Variants in FAM133B observed in about 807,000 individuals in gnomAD.
FAM133B encodes the protein protein FAM133B.
A neutral mutation model predicts 46.4 loss-of-function variants in FAM133B; 25 were observed. The observed-to-expected ratio is 0.54, with a 90% CI of 0.39 to 0.75. The LOEUF is 0.75. Ranked by LOEUF, FAM133B falls within the 30% of genes least tolerant of loss-of-function variation. The pLI, the probability that FAM133B is intolerant of heterozygous loss-of-function variation, is 0.00. For missense variants in FAM133B, 205 were observed against 277.6 expected, an observed-to-expected ratio of 0.74 and a Z score of 1.86; for synonymous variants, 75 against 86.0, an observed-to-expected ratio of 0.87 and a Z score of 0.71.
rs1344173763 is a variant in FAM133B at position 92,575,798 on chromosome 7, CTTCTTT to C, written c.483_488del (p.Lys162_Lys163del). 7.3e-7 allele frequency: 1 copy of C among 1,370,030 alleles called. No individual in the cohort carries two copies. Among genetic ancestry groups the C allele is most frequent in the Non-Finnish European group, 1.0e-6 (1 of 968,562 alleles). The allele number at this position is 1,370,030 out of a possible 1,614,324, so 84.9% of individuals were successfully genotyped here. A position where few individuals can be genotyped will look rare whatever the true frequency, so the allele number is the denominator to read the frequency against. On this transcript the variant is annotated inframe_deletion, in exon 8 of 11. Transcript: ENST00000445716. ...TTTCTTTCTCAGTTCCATCTTTTGA[CTTCTTT>C]TTCTTTTTTAAACTATCCTAAACAA...
At chr7:92,567,447 A>G (rs41412153) in intron 9 of FAM133B, among the ~76,000 whole-genome samples, 19,736 of 152,214 alleles carry the variant, frequency 0.13, 1,348 homozygotes, top group African/African-American at 0.16. Context: ...TGACAAATAC[A>G]TAAAAATGCA....
At chr7:92,578,216 C>T (rs1794760425) in intron 4 of FAM133B, 34 bp from the exon 5 acceptor site, 1 of 1,610,030 alleles carries the variant, frequency 6.2e-7, no homozygotes, top group East Asian at 2.2e-5. Context: ...TCTAAATAAG[C>T]TGATGTGAGT....
intron 10 of FAM133B, among the ~76,000 whole-genome samples, chr7:92,562,587 T>C (rs573944202): frequency 6.6e-6 from 1 of 152,314 alleles, no homozygotes; most frequent in African/African-American, 2.4e-5. Context: ...CTTAAGTCAT[T>C]AGCATATTAA....
intron 8 of FAM133B, among the ~76,000 whole-genome samples, chr7:92,574,259 T>C (rs1336080070): frequency 6.6e-6 from 1 of 152,182 alleles, no homozygotes; most frequent in African/African-American, 2.4e-5. Flanking sequence ...AAAACCAAAG[T>C]ACTGATACAT....
chr7:92,579,661 T>C (rs956262491), intron 2 of FAM133B, among the ~76,000 whole-genome samples: 14 of 152,218 alleles, frequency 9.2e-5, no homozygotes, highest in Non-Finnish European at 4.4e-5. Flanking sequence ...CAGGCACTAT[T>C]TAAAATACAT....
intron 8 of FAM133B, 124 bp from the exon 9 acceptor site, chr7:92,570,039 A>G: frequency 2.4e-6 from 1 of 421,370 alleles, no homozygotes; most frequent in Non-Finnish European, 4.2e-6. Context: ...GAATGTCTAA[A>G]AAGTGTAACA....
rs1245877464 is a variant in FAM133B at position 92,578,312 on chromosome 7, G to GT, written c.276+6dup. ...TAAGAATAGCAATAAACTAAAAGTG[G>GT]TATTACCTGTCTTTTTTTGGATGAG... On this transcript the variant is annotated splice_region_variant and intron_variant, in intron 4 of 10. Coordinates refer to ENST00000445716, the MANE Select transcript of FAM133B (RefSeq NM_152789.4). 6.2e-7 allele frequency: 1 copy of GT among 1,612,410 alleles called. No homozygotes were observed. Among genetic ancestry groups the GT allele is most frequent in the African/African-American group, 1.3e-5 (1 of 74,890 alleles).
intron 10 of FAM133B, among the ~76,000 whole-genome samples, chr7:92,564,741 G>C (rs1471980515): frequency 6.6e-6 from 1 of 152,108 alleles, no homozygotes; most frequent in African/African-American, 2.4e-5. Flanking sequence ...AAAGGTCATA[G>C]CTCACATTTA....
At chr7:92,574,558 A>G (rs1039199634) in intron 8 of FAM133B, among the ~76,000 whole-genome samples, 1 of 152,180 alleles carries the variant, frequency 6.6e-6, no homozygotes, top group African/African-American at 2.4e-5. Context: ...ACCATTGTGT[A>G]CCATGGTATA....
At chr7:92,584,720 T>C (rs1378304753) in intron 1 of FAM133B, among the ~76,000 whole-genome samples, 1 of 152,222 alleles carries the variant, frequency 6.6e-6, no homozygotes, top group Admixed American at 6.5e-5. Flanking sequence ...GATTAGTTGG[T>C]GTGGAAGTAT....
rs751381274 is a variant in FAM133B, at chr7:92,581,588, T to C, written c.40A>G (p.Ile14Val). 1.1e-5 allele frequency: 18 copies of C among 1,613,716 alleles called. No homozygotes were observed. Among genetic ancestry groups the C allele is most frequent in the Non-Finnish European group, 1.4e-5 (17 of 1,179,772 alleles). ...RDNRVAYMNPIAMARSRGPIQ... is the reference protein window; with the variant it reads ...RDNRVAYMNPVAMARSRGPIQ... ...GGACCCCTTGATCTCGCCATTGCTA[T>C]TGGGTTCATATAGGCCTTGGGGAAA... is the stretch of plus-strand genomic sequence containing the variant. Residue 14 changes from isoleucine to valine, a missense_variant, in exon 2 of 11, where the codon ATA (isoleucine) becomes GTA (valine). By Grantham distance (29) the Ile-to-Val change is conservative. Transcript: ENST00000445716.
chr7:92,589,991 C>T, intron 1 of FAM133B: 1 of 536,122 alleles, frequency 1.9e-6, no homozygotes, highest in Non-Finnish European at 3.3e-6. Context: ...CACTGGGGGC[C>T]CGCGTACAGC....
intron 10 of FAM133B, among the ~76,000 whole-genome samples, chr7:92,564,744 C>A (rs1212218128): frequency 6.6e-6 from 1 of 152,126 alleles, no homozygotes; most frequent in African/African-American, 2.4e-5. Context: ...GGTCATAGCT[C>A]ACATTTATAC....
At chr7:92,576,617 C>T (rs1417930937) in intron 7 of FAM133B, among the ~76,000 whole-genome samples, 3 of 152,318 alleles carry the variant, frequency 2.0e-5, no homozygotes, top group South Asian at 2.1e-4. Flanking sequence ...CTAAAACAGA[C>T]TCTGGAGGTA....
chr7:92,587,480 G>A (rs1461845229), intron 1 of FAM133B, among the ~76,000 whole-genome samples: 3 of 152,038 alleles, frequency 2.0e-5, no homozygotes, highest in African/African-American at 4.8e-5. Context: ...CCTGTAATCC[G>A]AACACTTTTG....
chr7:92,571,333 G>C (rs1256179289), intron 8 of FAM133B, among the ~76,000 whole-genome samples: 1 of 152,120 alleles, frequency 6.6e-6, no homozygotes, highest in Non-Finnish European at 1.5e-5. Flanking sequence ...ACGTATATTT[G>C]CCAATTTGTC....
chr7:92,561,141 A>T lies in FAM133B; in HGVS notation c.*1141T>A, dbSNP rs1236860211. ...CATTTACTAAGATTCTGGCAATAAG[A>T]CACAGCATACCAGGCTTGCCACTCA... On this transcript the variant is annotated 3_prime_UTR_variant, in exon 11 of 11. Coordinates refer to ENST00000445716, the MANE Select transcript of FAM133B (RefSeq NM_152789.4). 1 of 151,326 alleles carries T rather than the reference A, an allele frequency of 6.6e-6. No homozygotes were observed. The highest frequency in any genetic ancestry group is 2.4e-5 in the African/African-American group (1 of 41,020). 9.4% of individuals were successfully genotyped at this position (151,326 alleles called of 1,614,324 possible).
chr7:92,574,183 C>T (rs1019379326), intron 8 of FAM133B, among the ~76,000 whole-genome samples: 16 of 152,116 alleles, frequency 1.1e-4, no homozygotes, highest in Admixed American at 8.5e-4. Flanking sequence ...ACCAAATGTC[C>T]ATCAACAAAT....
rs564394241 is a variant in FAM133B, at chr7:92,560,919, T to G, written c.*1363A>C. On this transcript the variant is annotated 3_prime_UTR_variant, in exon 11 of 11. Coordinates refer to ENST00000445716, the MANE Select transcript of FAM133B (RefSeq NM_152789.4). The stretch of plus-strand genomic sequence containing the variant: ...ACATCAAGTTGTATGTCATGTTACC[T>G]GATTATATAAAAATGTAAAATGAAA... The G allele has an allele frequency of 3.9e-5, 6 of 152,762 alleles. No individual in the cohort carries two copies. In the South Asian group the frequency reaches 6.2e-4, roughly 16 times the overall value. The allele number at this position is 152,762 out of a possible 1,614,324, so 9.5% of individuals were successfully genotyped here.
Sources: allele counts gnomAD v4.1 joint callset (sites outside exome capture counted in the v4.1 genomes callset), GRCh38; gene constraint gnomAD v4.1.1; transcripts MANE v1.5; gene names NCBI Gene and HGNC (gene_info 2026-07-23, HGNC 2026-07-21).